SMYD3: variants seen among roughly 807,000 people sequenced by gnomAD.
The protein encoded by SMYD3 is histone-lysine N-methyltransferase SMYD3.
A neutral mutation model predicts 57.7 loss-of-function variants in SMYD3; 36 were observed. That is an observed-to-expected ratio of 0.62 (90% CI 0.48 to 0.82). The LOEUF is 0.82. Among genes scored for constraint, SMYD3 ranks in the 40% least tolerant of loss-of-function variants. The probability of loss-of-function intolerance (pLI) is 0.00; values close to 1 mark genes in which losing one functional copy is unlikely to be tolerated. For synonymous variants in SMYD3, 211 were observed against 195.0 expected (o/e 1.08, Z -0.68); for missense variants, 515 against 538.8 (o/e 0.96, Z 0.44).
chr1:246,088,228 ACTCTCTCTCTCTTT>A (rs1269442070), intron 5 of SMYD3, among the ~76,000 whole-genome samples: 3 of 150,168 alleles, frequency 2.0e-5, no homozygotes, highest in African/African-American at 7.4e-5. Context: ...ACACACACAC[ACTCTCTCTCTCTTT>A]CTCTCTCTCT....
intron 11 of SMYD3, among the ~76,000 whole-genome samples, chr1:245,759,365 C>T (rs1447490546): frequency 6.6e-6 from 1 of 152,102 alleles, no homozygotes; most frequent in African/African-American, 2.4e-5. Flanking sequence ...TAGAGGAGGG[C>T]TTTTTAACCT....
chr1:246,235,363 C>A (rs554761969), intron 5 of SMYD3, among the ~76,000 whole-genome samples: 1 of 152,184 alleles, frequency 6.6e-6, no homozygotes, highest in Non-Finnish European at 1.5e-5. Context: ...CAGATAATTA[C>A]GTCCTTCCTG....
rs1405691170 is a variant in SMYD3, at chr1:246,327,336, A to T, written c.396T>A (p.Asn132Lys). 6.2e-7 allele frequency: 1 copy of T among 1,608,090 alleles called. No individual in the cohort carries two copies. The highest frequency in any genetic ancestry group is 1.1e-5 in the South Asian group (1 of 89,816). ...TCTTATCTTCAGTCAGTTTGTTAAT[A>T]TCTTTTTTAAAGAGAAAATAAATAG... ...KLYSFYDLES[N>K]INKLTEDKKE... The change falls in exon 5 of 12, where the codon AAT becomes AAA. Residue 132 changes from asparagine to lysine, a missense_variant and splice_region_variant. By Grantham distance (94) the Asn-to-Lys change is moderately conservative. Transcript: ENST00000490107.
intron 1 of SMYD3, among the ~76,000 whole-genome samples, chr1:246,448,198 C>T (rs1028914164): frequency 6.6e-6 from 1 of 152,140 alleles, no homozygotes; most frequent in Non-Finnish European, 1.5e-5. Flanking sequence ...GCTAGGGAAA[C>T]AGAGCGAGAC....
chr1:246,229,409 AAAT>A (rs1572244483), intron 5 of SMYD3, among the ~76,000 whole-genome samples: 1 of 152,364 alleles, frequency 6.6e-6, no homozygotes, highest in East Asian at 1.9e-4. Flanking sequence ...CCATTGAACA[AAAT>A]AATGCCAATA....
At chr1:246,344,681 T>C (rs2153381) in intron 2 of SMYD3, among the ~76,000 whole-genome samples, 2 of 152,154 alleles carry the variant, frequency 1.3e-5, no homozygotes, top group African/African-American at 4.8e-5. Context: ...AACGCTTTAC[T>C]TTCTCACCAC....
chr1:245,808,284 G>A (rs2048290792), intron 10 of SMYD3, among the ~76,000 whole-genome samples: 1 of 152,112 alleles, frequency 6.6e-6, no homozygotes, highest in Non-Finnish European at 1.5e-5. Context: ...ACCAATATGG[G>A]CATGCATACC....
intron 5 of SMYD3, among the ~76,000 whole-genome samples, chr1:246,307,520 C>T (rs1328257177): frequency 2.7e-5 from 4 of 149,800 alleles, no homozygotes; most frequent in Non-Finnish European, 4.4e-5. Context: ...CCCGGGTTCA[C>T]GCCATTCTCC....
At chr1:245,928,438 G>A (rs536339614) in intron 6 of SMYD3, among the ~76,000 whole-genome samples, 3 of 152,238 alleles carry the variant, frequency 2.0e-5, no homozygotes, top group African/African-American at 4.8e-5. Flanking sequence ...TTAGGAAGCC[G>A]AGGTGGGTGG....
At chr1:245,961,498 A>G (rs1346407656) in intron 5 of SMYD3, among the ~76,000 whole-genome samples, 2 of 150,288 alleles carry the variant, frequency 1.3e-5, no homozygotes, top group African/African-American at 4.9e-5. Context: ...TAAGGAAGGA[A>G]AAGCAGACAA....
chr1:246,279,373 T>A (rs1399572011), intron 5 of SMYD3, among the ~76,000 whole-genome samples: 2 of 151,946 alleles, frequency 1.3e-5, no homozygotes, highest in East Asian at 3.9e-4. Context: ...ACACAAAAAT[T>A]AGCTGGGCAT....
chr1:246,224,063 G>C (rs944921607), intron 5 of SMYD3, among the ~76,000 whole-genome samples: 3 of 152,068 alleles, frequency 2.0e-5, no homozygotes, highest in African/African-American at 7.3e-5. Context: ...AGGTTTCTTT[G>C]GGGGTTCTGT....
chr1:246,214,977 ATT>A (rs1434749778), intron 5 of SMYD3, among the ~76,000 whole-genome samples: 2 of 152,034 alleles, frequency 1.3e-5, no homozygotes, highest in African/African-American at 4.8e-5. Flanking sequence ...AATTTTCTTT[ATT>A]TATGCAGATT....
chr1:246,469,232 CAG>C (rs1045255749), intron 1 of SMYD3, among the ~76,000 whole-genome samples: 5 of 152,212 alleles, frequency 3.3e-5, no homozygotes, highest in African/African-American at 1.2e-4. Flanking sequence ...ACCTCCCAAA[CAG>C]AGGAGGTCTC....
intron 1 of SMYD3, among the ~76,000 whole-genome samples, chr1:246,439,111 G>GTAC (rs897283730): frequency 6.7e-6 from 1 of 149,748 alleles, no homozygotes; most frequent in Admixed American, 6.6e-5. Flanking sequence ...TTTTCGGGGG[G>GTAC]GGGGGTTCCC....
At chr1:246,506,986 G>GCCCCCCCCCC in intron 1 of SMYD3, 68 bp downstream of exon 1, 2 of 590,880 alleles carry the variant, frequency 3.4e-6, no homozygotes, top group Non-Finnish European at 4.8e-6. Flanking sequence ...CCGGCCGCCC[G>GCCCCCCCCCC]ACGCCCCCCC....
At chr1:246,330,584 A>G (rs761503868) in intron 3 of SMYD3, 47 bp from the exon 4 acceptor site, 1 of 1,518,272 alleles carries the variant, frequency 6.6e-7, no homozygotes, top group South Asian at 1.3e-5. Flanking sequence ...CAAGTGTTCC[A>G]ATATATAAAC....
At chr1:245,848,312 G>C (rs751898333) in intron 10 of SMYD3, among the ~76,000 whole-genome samples, 1 of 151,862 alleles carries the variant, frequency 6.6e-6, no homozygotes, top group African/African-American at 2.4e-5. Flanking sequence ...GGTAGAGATA[G>C]GGTTTCATCA....
chr1:246,218,087 G>A (rs991729449), intron 5 of SMYD3, among the ~76,000 whole-genome samples: 2 of 152,124 alleles, frequency 1.3e-5, no homozygotes, highest in Non-Finnish European at 2.9e-5. Context: ...GCAGTTACAT[G>A]ACCATCACGA....
Sources: allele counts gnomAD v4.1 joint callset (sites outside exome capture counted in the v4.1 genomes callset), GRCh38; gene constraint gnomAD v4.1.1; transcripts MANE v1.5; gene names NCBI Gene and HGNC (gene_info 2026-07-23, HGNC 2026-07-21).